The following FRMPD4 variants were observed in gnomAD, a reference collection of about 807,000 sequenced individuals.
FRMPD4 encodes FERM and PDZ domain containing 4.
In FRMPD4, 22 loss-of-function variants were observed where a neutral mutation model predicts 94.1. That is an observed-to-expected ratio of 0.23 (90% CI 0.17 to 0.33). FRMPD4 has a LOEUF of 0.33. Ranked by LOEUF, FRMPD4 falls within the 10% of genes least tolerant of loss-of-function variation. The pLI is 1.00. For missense variants in FRMPD4, 1,111 were observed against 1,339.9 expected, an observed-to-expected ratio of 0.83 and a Z score of 2.67; for synonymous variants, 631 against 548.6, an observed-to-expected ratio of 1.15 and a Z score of -2.10.
At chrX:12,607,144 T>A (rs1206775252) in intron 2 of FRMPD4, among the ~76,000 whole-genome samples, 1 of 111,441 alleles carries the variant, frequency 9.0e-6, no homozygotes, top group Non-Finnish European at 1.9e-5. Context: ...CCCTGGTCAC[T>A]GGGGCTCACA....
intron 3 of FRMPD4, among the ~76,000 whole-genome samples, chrX:11,956,598 T>C (rs1424211150): frequency 8.9e-6 from 1 of 112,205 alleles, no homozygotes; most frequent in Non-Finnish European, 1.9e-5. Context: ...TAACACTTCA[T>C]TGCTTGTGGA....
chrX:12,438,164 T>C (rs926493126), intron 1 of FRMPD4, among the ~76,000 whole-genome samples: 1 of 111,223 alleles, frequency 9.0e-6, no homozygotes, highest in Admixed American at 9.6e-5. Context: ...CAAAAGGTTT[T>C]CAGGTGACGT....
chrX:11,910,781 T>C lies in FRMPD4; in HGVS notation c.95+32763T>C, dbSNP rs900888372. Among the ~76,000 whole-genome samples, 3 of 112,264 alleles carry C rather than the reference T, an allele frequency of 2.7e-5. No individual in the cohort carries two copies. In the South Asian group the frequency reaches 1.1e-3, roughly 42 times the overall value. The stretch of plus-strand genomic sequence containing the variant: ...AAGCCTTCTTCATAGGTATGTGACA[T>C]GTCAAAACACAGAGATATACCTGGT... On this transcript the variant is annotated intron_variant, in intron 3 of 18. Coordinates refer to the FRMPD4 transcript ENST00000640291.
chrX:12,299,293 AAGG>A (rs60479551), intron 1 of FRMPD4, among the ~76,000 whole-genome samples: 4,536 of 109,016 alleles, frequency 0.042, 252 homozygotes, highest in African/African-American at 0.14. Context: ...GGAGGAGGTA[AAGG>A]AGGAGGAGGA....
rs563320461 is a variant in FRMPD4 at position 12,305,914 on chromosome X, G to A, written c.41+166902G>A. On this transcript the variant is annotated intron_variant, in intron 1 of 16. Coordinates refer to ENST00000675598, the MANE Select transcript of FRMPD4 (RefSeq NM_001368397.1). ...TGTATATAAATTCCTGCACAGGGTT[G>A]GCTACTCTAAAAAACTTTGACAGCC... Among the ~76,000 whole-genome samples, 25 of 106,573 alleles carry A rather than the reference G, an allele frequency of 2.3e-4. No individual in the cohort carries two copies. In the South Asian group the frequency reaches 0.011, roughly 45 times the overall value. 92.5% of individuals were successfully genotyped at this position (106,573 alleles called of 115,157 possible).
chrX:12,599,242 A>T (rs970486501), intron 2 of FRMPD4, among the ~76,000 whole-genome samples: 1 of 111,300 alleles, frequency 9.0e-6, no homozygotes, highest in Non-Finnish European at 1.9e-5. Context: ...TTATTTTAAC[A>T]TGATTGATAA....
chrX:12,348,302 C>G lies in FRMPD4; in HGVS notation c.42-150378C>G, dbSNP rs536852161. Among the ~76,000 whole-genome samples the G allele has an allele frequency of 1.3e-4, 15 of 111,602 alleles. No individual in the cohort carries two copies. The South Asian group carries it at 5.3e-3, about 39-fold the overall frequency. On this transcript the variant is annotated intron_variant, in intron 1 of 16. Coordinates refer to ENST00000675598, the MANE Select transcript of FRMPD4 (RefSeq NM_001368397.1). The stretch of plus-strand genomic sequence containing the variant: ...ATTCTCCATCCACTGAAGTCAACCT[C>G]TGAGCTTACTTAGGCCATAAGTAAA...
chrX:12,176,607 A>T (rs972463846), intron 1 of FRMPD4, among the ~76,000 whole-genome samples: 2 of 112,560 alleles, frequency 1.8e-5, no homozygotes, highest in Non-Finnish European at 3.7e-5. Context: ...CTCTCACTAT[A>T]CAAGTTTATT....
rs927333236 is a variant in FRMPD4 at position 12,513,309 on chromosome X, G to A, written c.158+14513G>A. On this transcript the variant is annotated intron_variant, in intron 2 of 16. Coordinates refer to ENST00000675598, the MANE Select transcript of FRMPD4 (RefSeq NM_001368397.1). ...CTTTGCCTGTGCCTACGTCCTGAAT[G>A]GTACTGCCTAGATTTTCTTCTAGGG... Among the ~76,000 whole-genome samples, 3 of 111,758 alleles carry A rather than the reference G, an allele frequency of 2.7e-5. No individual in the cohort carries two copies. The Admixed American group carries it at 2.8e-4, about 11-fold the overall frequency.
intron 1 of FRMPD4, among the ~76,000 whole-genome samples, chrX:12,367,368 A>G (rs1328660449): frequency 2.7e-5 from 3 of 112,227 alleles, no homozygotes; most frequent in Admixed American, 9.4e-5. Flanking sequence ...TGCCTACCCC[A>G]GGGGCACCCT....
At chrX:12,517,641 G>A (rs897327811) in intron 2 of FRMPD4, among the ~76,000 whole-genome samples, 1 of 112,608 alleles carries the variant, frequency 8.9e-6, no homozygotes, top group Non-Finnish European at 1.9e-5. Flanking sequence ...CCCTGAATAA[G>A]GTATCTGGTG....
At chrX:12,280,705 T>C (rs1457046752) in intron 1 of FRMPD4, among the ~76,000 whole-genome samples, 9 of 111,478 alleles carry the variant, frequency 8.1e-5, no homozygotes, top group Non-Finnish European at 1.5e-4. Context: ...GACACCCTCA[T>C]TGGGGGTCCT....
intron 3 of FRMPD4, among the ~76,000 whole-genome samples, chrX:11,898,649 T>C (rs1746019091): frequency 8.9e-6 from 1 of 112,301 alleles, no homozygotes; most frequent in Non-Finnish European, 1.9e-5. Flanking sequence ...CATAAATATA[T>C]ACAATTATGA....
rs374250222 is a variant in FRMPD4 at position 12,276,271 on chromosome X, G to A, written c.41+137259G>A. On this transcript the variant is annotated intron_variant, in intron 1 of 16. Coordinates refer to ENST00000675598, the MANE Select transcript of FRMPD4 (RefSeq NM_001368397.1). ...GAGATTTATTCTGAGCCAAATACGA[G>A]TGACCAAAGGACGATGACACAGTCC... Among the ~76,000 whole-genome samples the A allele has an allele frequency of 5.2e-4, 58 of 112,238 alleles. No homozygotes were observed. The East Asian group carries it at 0.015, about 29-fold the overall frequency.
At chrX:12,104,102 T>G (rs767950190) in intron 3 of FRMPD4, among the ~76,000 whole-genome samples, 1 of 112,402 alleles carries the variant, frequency 8.9e-6, no homozygotes, top group Non-Finnish European at 1.9e-5. Context: ...AACTTCATCC[T>G]TTAATCAGGA....
intron 3 of FRMPD4, among the ~76,000 whole-genome samples, chrX:11,948,090 CAAAA>C (rs11367252): frequency 7.1e-5 from 4 of 56,587 alleles, no homozygotes; most frequent in Non-Finnish European, 9.7e-5. Flanking sequence ...AACTCCATCA[CAAAA>C]AAAAAAAAAA....
intron 9 of FRMPD4, among the ~76,000 whole-genome samples, 197 bp downstream of exon 9, chrX:12,694,651 G>A (rs1253168042): frequency 8.9e-6 from 1 of 112,033 alleles, no homozygotes; most frequent in African/African-American, 3.2e-5. Context: ...CAAAAAAGTT[G>A]CAAGAGTAGT....
At chrX:12,012,715 T>C (rs1297791282) in intron 3 of FRMPD4, among the ~76,000 whole-genome samples, 3 of 112,557 alleles carry the variant, frequency 2.7e-5, no homozygotes, top group South Asian at 3.6e-4. Context: ...GTAGGAAACA[T>C]GCTGTCTCTT....
In FRMPD4 at chrX:12,720,724, G is replaced by A; in HGVS notation, c.4155G>A (p.Pro1385=). 5 of 1,067,774 alleles carry A rather than the reference G, an allele frequency of 4.7e-6. No homozygotes were observed. The highest frequency in any genetic ancestry group is 3.8e-5 in the Admixed American group (1 of 26,559). 88.0% of individuals were successfully genotyped at this position (1,067,774 alleles called of 1,213,427 possible). Residue 1385 remains proline (P), a synonymous_variant, in exon 17 of 17, where the codon CCG becomes CCA. Coordinates refer to ENST00000675598, the MANE Select transcript of FRMPD4 (RefSeq NM_001368397.1). ...AYGEAVSWRP[P]DLRGGSLRTP... is the part of the protein sequence containing the mutation. ...GAGAGGCTGTGAGCTGGCGGCCACC[G>A]GATCTGAGAGGGGGGAGCCTCAGGA...
Sources: allele counts gnomAD v4.1 joint callset (sites outside exome capture counted in the v4.1 genomes callset), GRCh38; gene constraint gnomAD v4.1.1; transcripts MANE v1.5; gene names NCBI Gene and HGNC (gene_info 2026-07-23, HGNC 2026-07-21).